The following ADAMTS13 variants were observed in gnomAD, a reference collection of about 807,000 sequenced individuals.
The protein encoded by ADAMTS13 is A disintegrin and metalloproteinase with thrombospondin motifs 13.
Under a neutral mutation model 155.1 loss-of-function variants are expected in ADAMTS13, and 110 were observed. That is an observed-to-expected ratio of 0.71 (90% CI 0.61 to 0.83). The LOEUF (loss-of-function observed/expected upper bound fraction) is 0.83, where lower values mean the gene tolerates loss of function less well. ADAMTS13 is among the 40% of genes least tolerant of loss of function. ADAMTS13 has a pLI of 0.00. For missense variants in ADAMTS13, 1,707 were observed against 1,891.7 expected (o/e 0.90, Z 1.81); for synonymous variants, 758 against 756.4 (o/e 1.00, Z -0.03).
upstream of ADAMTS13, chr9:133,418,093 C>T (rs587617094): frequency 3.8e-6 from 2 of 530,288 alleles, no homozygotes; most frequent in Non-Finnish European, 6.6e-6. Flanking sequence ...TCTGGTTCCG[C>T]GCAGCCTGGG....
chr9:133,454,785 G>A (rs948817082), intron 24 of ADAMTS13, among the ~76,000 whole-genome samples, 166 bp downstream of exon 24: 4 of 152,176 alleles, frequency 2.6e-5, no homozygotes, highest in African/African-American at 2.4e-5. Context: ...AGAGACAGAG[G>A]GCCTAGAGAC....
intron 11 of ADAMTS13, among the ~76,000 whole-genome samples, chr9:133,435,390 CG>C (rs1457239300): frequency 5.3e-5 from 8 of 151,694 alleles, no homozygotes; most frequent in African/African-American, 1.9e-4. Context: ...GTTTCCACCA[CG>C]TCAGCCAGGA....
chr9:133,457,806 CCA>C, intron 27 of ADAMTS13, 102 bp from the exon 28 acceptor site: 6 of 1,461,676 alleles, frequency 4.1e-6, no homozygotes, highest in Non-Finnish European at 5.7e-6. Context: ...CCAATATTGA[CCA>C]CAGTGCCATG....
intron 18 of ADAMTS13, among the ~76,000 whole-genome samples, chr9:133,443,104 A>G (rs1250433526): frequency 6.6e-6 from 1 of 152,128 alleles, no homozygotes; most frequent in Admixed American, 6.5e-5. Flanking sequence ...CCTGGTGCAA[A>G]GCCCCTGGCT....
chr9:133,431,437 G>A (rs1424814344), intron 8 of ADAMTS13, among the ~76,000 whole-genome samples: 1 of 141,420 alleles, frequency 7.1e-6, no homozygotes, highest in Non-Finnish European at 1.5e-5. Context: ...AGTGATTCCC[G>A]GGCCTACGCC....
At chr9:133,420,410 G>A (rs587624269), upstream of ADAMTS13, among the ~76,000 whole-genome samples, 1 of 152,294 alleles carries the variant, frequency 6.6e-6, no homozygotes, top group African/African-American at 2.4e-5. Context: ...TGTAAACCAG[G>A]GCAATGCAGC....
In ADAMTS13 at chr9:133,440,887, C is replaced by T. The variant is rs2130867305; in HGVS notation, c.1968+362C>T. Among the ~76,000 whole-genome samples the T allele has an allele frequency of 6.6e-6, 1 of 152,116 alleles. No individual in the cohort carries two copies. Among genetic ancestry groups the T allele is most frequent in the South Asian group, 2.1e-4 (1 of 4,818 alleles). ...TTGCTGGGCCAAGCAGGGAAGGAAG[C>T]GTATGGCTGAGGGAACAGTGTCAGT... On this transcript the variant is annotated intron_variant, in intron 16 of 28. Coordinates refer to ENST00000355699, the MANE Select transcript of ADAMTS13 (RefSeq NM_139027.6). This position sits in a 1 kb window ranked among gnomAD's most constrained non-coding sequence, Gnocchi z 4.3.
At chr9:133,422,275 G>A (rs587757210), upstream of ADAMTS13, 159 of 662,684 alleles carry the variant, frequency 2.4e-4, no homozygotes, top group South Asian at 5.3e-5. Flanking sequence ...GCTGCAGGCC[G>A]CCCACCCTAG....
At chr9:133,417,316 CT>C (rs953497082), upstream of ADAMTS13, among the ~76,000 whole-genome samples, 4 of 152,246 alleles carry the variant, frequency 2.6e-5, no homozygotes, top group Admixed American at 2.6e-4. Flanking sequence ...CGCGCCCGGC[CT>C]GGTTTCGGGA....
rs1308444084 is a variant in ADAMTS13 at position 133,428,786 on chromosome 9, G to A, written c.824+15G>A. 4 of 1,305,266 alleles carry A rather than the reference G, an allele frequency of 3.1e-6. No individual in the cohort carries two copies. Among genetic ancestry groups the A allele is most frequent in the Non-Finnish European group, 3.9e-6 (4 of 1,024,846 alleles). The allele number at this position is 1,305,266 out of a possible 1,614,324, so 80.9% of individuals were successfully genotyped here. A position where few individuals can be genotyped will look rare whatever the true frequency, so the allele number is the denominator to read the frequency against. ...AGCCTGCTCAGGTAGCGGCCGCCCC[G>A]TGGGAGGGGCGCGCGAGCCTCCAGC... is the stretch of plus-strand genomic sequence containing the variant. On this transcript the variant is annotated intron_variant, in intron 7 of 28. Coordinates refer to ENST00000355699, the MANE Select transcript of ADAMTS13 (RefSeq NM_139027.6).
At chr9:133,417,990 G>C (rs920671609), upstream of ADAMTS13, 9 of 707,704 alleles carry the variant, frequency 1.3e-5, no homozygotes, top group African/African-American at 1.6e-4. Flanking sequence ...CTCCGGAAGA[G>C]ACCCCGCACG....
chr9:133,433,535 G>T lies in ADAMTS13; in HGVS notation c.1244+6G>T, dbSNP rs782596578. 2 of 1,613,550 alleles carry T rather than the reference G, an allele frequency of 1.2e-6. No homozygotes were observed. The highest frequency in any genetic ancestry group is 2.2e-5 in the South Asian group (2 of 91,082). On this transcript the variant is annotated splice_donor_region_variant and intron_variant, in intron 10 of 28. Transcript: ENST00000355699. ...CGGCAGTGCAACAACCCCAGGTACCGCAGGGAGGGTGCTTTTCTGTCAGGG... is the reference window on the plus strand; with the variant it reads ...CGGCAGTGCAACAACCCCAGGTACCTCAGGGAGGGTGCTTTTCTGTCAGGG...
upstream of ADAMTS13, among the ~76,000 whole-genome samples, chr9:133,420,469 G>A (rs1322914713): frequency 6.6e-6 from 1 of 152,230 alleles, no homozygotes; most frequent in Non-Finnish European, 1.5e-5. Context: ...AAAGAAAGAG[G>A]TCGTCTTTTG....
intron 23 of ADAMTS13, among the ~76,000 whole-genome samples, chr9:133,451,732 A>G (rs950005704): frequency 6.6e-6 from 1 of 151,906 alleles, no homozygotes; most frequent in Non-Finnish European, 1.5e-5. Flanking sequence ...CTCTACTATA[A>G]ATACAAAAAT....
rs782601193 is a variant in ADAMTS13, at chr9:133,430,075, G to C, written c.961G>C (p.Ala321Pro). 28 of 1,593,994 alleles carry C rather than the reference G, an allele frequency of 1.8e-5. No homozygotes were observed. The Admixed American group carries it at 4.7e-4, about 27-fold the overall frequency. Residue 321 changes from alanine (A) to proline (P), a missense_variant, in exon 8 of 29, where the codon GCC becomes CCC. Ala to Pro is a conservative substitution (Grantham distance 27, BLOSUM62 -1). Transcript: ENST00000355699. ...CGTGGCCTTCGGCCCCAAGGCTGTC[G>C]CCTGCACCTTCGCCAGGGAGCACCT... ...CRVAFGPKAVACTFAREHLDM... is the reference protein window; with the variant it reads ...CRVAFGPKAVPCTFAREHLDM...
chr9:133,418,072 G>A (rs1664687224), upstream of ADAMTS13: 1 of 551,438 alleles, frequency 1.8e-6, no homozygotes, highest in South Asian at 2.3e-5. Flanking sequence ...GCTGGAAACC[G>A]GATCCCTGCC....
Position 133,425,942 on chromosome 9 carries a change from C to A in ADAMTS13, c.419C>A (p.Ala140Asp). The change falls in exon 5 of 29, where the codon GCT becomes GAT. Residue 140 changes from alanine to aspartate, a missense_variant. This residue lies in a region of ADAMTS13 where 733 missense variants were observed against 749.6 expected (regional missense o/e 0.98). Coordinates refer to ENST00000355699, the MANE Select transcript of ADAMTS13 (RefSeq NM_139027.6). This position sits in a 1 kb window ranked among gnomAD's most constrained non-coding sequence, Gnocchi z 4.6. Reference protein sequence around the residue: ...KMVILTEPEGAPNITANLTSS... With the variant: ...KMVILTEPEGDPNITANLTSS... ...GGCTTTGCTGTGGGTCCGCAGGGTG[C>A]TCCAAATATCACAGCCAACCTCACC... 1.2e-6 allele frequency: 2 copies of A among 1,613,530 alleles called. No homozygotes were observed. Among genetic ancestry groups the A allele is most frequent in the Non-Finnish European group, 1.7e-6 (2 of 1,180,014 alleles).
chr9:133,452,552 T>C (rs1842496786), intron 23 of ADAMTS13, among the ~76,000 whole-genome samples: 1 of 152,206 alleles, frequency 6.6e-6, no homozygotes, highest in South Asian at 2.1e-4. Context: ...TGGGATTTTA[T>C]GGGAATTGCA....
rs781853881 is a variant in ADAMTS13, at chr9:133,424,343, C to CCAGAGGCAGAGG, written c.209_220dup (p.Gln70_Arg73dup). On this transcript the variant is annotated inframe_insertion, in exon 3 of 29. Transcript: ENST00000355699. The surrounding 1 kb of genome is among the most constrained non-coding windows in gnomAD (Gnocchi z 4.3). ...CAGGCCGCCCTCCTTCCCCTGGCTT[C>CCAGAGGCAGAGG]CAGAGGCAGAGGCAGAGGCAGAGGC... is the stretch of plus-strand genomic sequence containing the variant. 6 of 1,613,210 alleles carry CCAGAGGCAGAGG rather than the reference C, an allele frequency of 3.7e-6. No homozygotes were observed. Among genetic ancestry groups the CCAGAGGCAGAGG allele is most frequent in the East Asian group, 2.2e-5 (1 of 44,860 alleles).
Sources: allele counts gnomAD v4.1 joint callset (sites outside exome capture counted in the v4.1 genomes callset), GRCh38; gene constraint gnomAD v4.1.1; regional missense constraint gnomAD v4.1.1; non-coding constraint Gnocchi (gnomAD v3.1); transcripts MANE v1.5; gene names NCBI Gene and HGNC (gene_info 2026-07-23, HGNC 2026-07-21).